The following LTBP1 variants were observed in gnomAD, a reference collection of about 807,000 sequenced individuals.
LTBP1 encodes the protein latent-transforming growth factor beta-binding protein 1.
LTBP1 carries 129 observed loss-of-function variants against 207.6 expected under a neutral mutation model. The ratio of observed to expected loss-of-function variants is 0.62; its 90% CI spans 0.54 to 0.72. LTBP1 has a LOEUF of 0.72. Ranked by LOEUF, LTBP1 falls within the 30% of genes least tolerant of loss-of-function variation. The probability of loss-of-function intolerance (pLI) is 0.00; values close to 1 mark genes in which losing one functional copy is unlikely to be tolerated. For synonymous variants in LTBP1, 963 were observed against 833.7 expected (o/e 1.16, Z -2.67); for missense variants, 2,281 against 2,217.2 (o/e 1.03, Z -0.58).
chr2:33,106,873 C>T (rs994674542), intron 3 of LTBP1, among the ~76,000 whole-genome samples: 2 of 152,212 alleles, frequency 1.3e-5, no homozygotes, highest in Non-Finnish European at 2.9e-5. Flanking sequence ...TTCTCCCTTG[C>T]TTGAGTTGGG....
intron 5 of LTBP1, among the ~76,000 whole-genome samples, chr2:33,178,328 G>C (rs1199201259): frequency 6.6e-6 from 1 of 152,154 alleles, no homozygotes; most frequent in African/African-American, 2.4e-5. Context: ...CTTAGGTTAT[G>C]CAAGGTATAA....
At chr2:33,266,961 T>A (rs1010896082) in intron 15 of LTBP1, among the ~76,000 whole-genome samples, 1 of 152,164 alleles carries the variant, frequency 6.6e-6, no homozygotes, top group Non-Finnish European at 1.5e-5. Context: ...TGTGGCCCTT[T>A]GGGGAGCCCA....
At chr2:32,995,752 G>C (rs1417983974) in intron 2 of LTBP1, among the ~76,000 whole-genome samples, 1 of 152,188 alleles carries the variant, frequency 6.6e-6, no homozygotes, top group African/African-American at 2.4e-5. Context: ...TTGCGCCACT[G>C]CACTCCAGCC....
intron 5 of LTBP1, among the ~76,000 whole-genome samples, chr2:33,142,558 G>C (rs1419238571): frequency 6.6e-6 from 1 of 152,114 alleles, no homozygotes; most frequent in Non-Finnish European, 1.5e-5. Flanking sequence ...GAACAAGAAG[G>C]GCAATAGGTT....
chr2:33,000,535 C>T (rs1446311729), intron 2 of LTBP1, among the ~76,000 whole-genome samples: 4 of 134,970 alleles, frequency 3.0e-5, no homozygotes, highest in Non-Finnish European at 4.9e-5. Flanking sequence ...TGCAAGTGGT[C>T]GCAGGTTTCC....
intron 7 of LTBP1, among the ~76,000 whole-genome samples, chr2:33,191,085 C>G (rs1402693156): frequency 6.6e-6 from 1 of 152,118 alleles, no homozygotes; most frequent in Non-Finnish European, 1.5e-5. Flanking sequence ...TTAGGTTGGT[C>G]ATGGAGAAAG....
At chr2:33,387,912 C>T (rs1336571556) in intron 31 of LTBP1, among the ~76,000 whole-genome samples, 2 of 152,234 alleles carry the variant, frequency 1.3e-5, no homozygotes, top group African/African-American at 4.8e-5. Flanking sequence ...GACTGCCCCA[C>T]TCATGTCCAT....
chr2:33,198,188 G>C (rs141589355), intron 7 of LTBP1, among the ~76,000 whole-genome samples: 2,602 of 152,206 alleles, frequency 0.017, 79 homozygotes, highest in African/African-American at 0.059. Flanking sequence ...CTGTTTATAT[G>C]CTGGATTACA....
At chr2:33,194,967 A>G (rs1013415102) in intron 7 of LTBP1, among the ~76,000 whole-genome samples, 4 of 152,214 alleles carry the variant, frequency 2.6e-5, no homozygotes, top group Non-Finnish European at 5.9e-5. Flanking sequence ...GTGCTATATA[A>G]AGAGAATAGC....
At chr2:33,244,214 A>G (rs760491229) in intron 10 of LTBP1, among the ~76,000 whole-genome samples, 6 of 152,006 alleles carry the variant, frequency 3.9e-5, no homozygotes, top group African/African-American at 9.7e-5. Flanking sequence ...ATTCTGAGTC[A>G]CTGGACTCTG....
chr2:33,160,402 T>C (rs1372969435), intron 5 of LTBP1, among the ~76,000 whole-genome samples: 1 of 152,200 alleles, frequency 6.6e-6, no homozygotes, highest in Non-Finnish European at 1.5e-5. Context: ...AGAGCAACGC[T>C]GCTTCCAAGG....
intron 32 of LTBP1, among the ~76,000 whole-genome samples, chr2:33,389,840 A>C (rs1282564042): frequency 6.6e-6 from 1 of 152,124 alleles, no homozygotes. Flanking sequence ...GGGTTTCACC[A>C]TGTTGGTCAG....
intron 5 of LTBP1, among the ~76,000 whole-genome samples, chr2:33,183,523 T>A (rs2086883101): frequency 6.6e-6 from 1 of 152,212 alleles, no homozygotes; most frequent in East Asian, 1.9e-4. Flanking sequence ...ATGCAGTTAC[T>A]CAGTTAATAT....
At chr2:33,159,055 G>A (rs965773959) in intron 5 of LTBP1, among the ~76,000 whole-genome samples, 2 of 152,144 alleles carry the variant, frequency 1.3e-5, no homozygotes, top group Non-Finnish European at 2.9e-5. Flanking sequence ...GCAATGACAT[G>A]GGAATGCAGG....
At chr2:33,031,419 T>C (rs172663) in intron 3 of LTBP1, among the ~76,000 whole-genome samples, 62,704 of 152,150 alleles carry the variant, frequency 0.41, 14,797 homozygotes, top group East Asian at 0.68. Flanking sequence ...CATCAGCAGA[T>C]ATTTACTGAG....
intron 24 of LTBP1, among the ~76,000 whole-genome samples, chr2:33,336,785 A>C (rs1279778432): frequency 1.3e-5 from 2 of 152,222 alleles, no homozygotes; most frequent in Admixed American, 6.5e-5. Flanking sequence ...AGAAACTAAG[A>C]AGAAGCACTT....
At chr2:32,961,123 A>AT (rs1341491245) in intron 2 of LTBP1, among the ~76,000 whole-genome samples, 3 of 152,184 alleles carry the variant, frequency 2.0e-5, no homozygotes, top group Non-Finnish European at 4.4e-5. Flanking sequence ...TTTGATTGCT[A>AT]TTTTTTATTG....
At chr2:33,276,781 G>A (rs1032636415) in intron 18 of LTBP1, among the ~76,000 whole-genome samples, 1 of 152,248 alleles carries the variant, frequency 6.6e-6, no homozygotes, top group Non-Finnish European at 1.5e-5. Flanking sequence ...AACCTGGGAG[G>A]CAGAGGTTGC....
At chr2:33,186,804 T>G in intron 5 of LTBP1, 52 bp from the exon 6 acceptor site, 1 of 1,414,124 alleles carries the variant, frequency 7.1e-7, no homozygotes, top group Non-Finnish European at 1.0e-6. Context: ...TGATCATTAC[T>G]TAGCCTCTGA....
Sources: allele counts gnomAD v4.1 joint callset (sites outside exome capture counted in the v4.1 genomes callset), GRCh38; gene constraint gnomAD v4.1.1; transcripts MANE v1.5; gene names NCBI Gene and HGNC (gene_info 2026-07-23, HGNC 2026-07-21).